Variants in PHTF2 observed in about 807,000 individuals in gnomAD.
PHTF2 encodes putative homeodomain transcription factor 2.
In PHTF2, 60 loss-of-function variants were observed where a neutral mutation model predicts 101.2. The observed-to-expected ratio is 0.59, with a 90% CI of 0.48 to 0.73. The LOEUF is 0.73. Among genes scored for constraint, PHTF2 ranks in the 30% least tolerant of loss-of-function variants. The pLI is 0.00. For synonymous variants in PHTF2, 311 were observed against 307.3 expected, an observed-to-expected ratio of 1.01 and a Z score of -0.13; for missense variants, 747 against 908.7, an observed-to-expected ratio of 0.82 and a Z score of 2.29.
chr7:77,933,242 AAAT>A (rs1261743604), intron 12 of PHTF2, among the ~76,000 whole-genome samples: 2 of 152,184 alleles, frequency 1.3e-5, no homozygotes, highest in African/African-American at 2.4e-5. Context: ...CGTCTCAAAA[AAAT>A]AATAATAATA....
chr7:77,835,167 A>C (rs975510785), intron 1 of PHTF2, among the ~76,000 whole-genome samples: 13 of 151,280 alleles, frequency 8.6e-5, no homozygotes, highest in African/African-American at 3.2e-4. Context: ...CTAGCTACTG[A>C]GGAGGCTGAG....
chr7:77,873,488 G>A (rs1204331719), intron 3 of PHTF2, among the ~76,000 whole-genome samples: 2 of 152,156 alleles, frequency 1.3e-5, no homozygotes, highest in Non-Finnish European at 1.5e-5. Context: ...TGGGACTTTA[G>A]TCTAGTTATA....
rs572421722 is a variant in PHTF2, at chr7:77,945,983, T to C, written c.1959+3197T>C. ...TTCAACTCATTTTGTGAGGCTAATA[T>C]AACCTTGATGCCAGTACCATAGAGC... On this transcript the variant is annotated intron_variant, in intron 16 of 19. Transcript: ENST00000416283. 5.9e-5 allele frequency among the ~76,000 whole-genome samples: 9 copies of C among 152,300 alleles called. No individual in the cohort carries two copies. The South Asian group carries it at 1.9e-3, about 32-fold the overall frequency.
intron 16 of PHTF2, among the ~76,000 whole-genome samples, chr7:77,945,236 G>C (rs1163236655): frequency 9.2e-5 from 14 of 152,182 alleles, no homozygotes; most frequent in Admixed American, 8.5e-4. Context: ...TGCTCGGGAG[G>C]ATGAGGCAGG....
chr7:77,927,639 C>T (rs540384426), intron 11 of PHTF2, among the ~76,000 whole-genome samples: 2 of 152,288 alleles, frequency 1.3e-5, no homozygotes, highest in African/African-American at 2.4e-5. Context: ...AGTGATCACT[C>T]TAGGTAGGTG....
At chr7:77,885,024 A>G (rs534005840) in intron 3 of PHTF2, among the ~76,000 whole-genome samples, 1 of 152,388 alleles carries the variant, frequency 6.6e-6, no homozygotes, top group East Asian at 1.9e-4. Flanking sequence ...TAATGTTTTT[A>G]GAATATCAAT....
chr7:77,801,732 C>T (rs1275164560), intron 1 of PHTF2, among the ~76,000 whole-genome samples: 1 of 152,050 alleles, frequency 6.6e-6, no homozygotes, highest in East Asian at 1.9e-4. Flanking sequence ...GACTTGAGTC[C>T]CATCTCTAAG....
At chr7:77,909,522 G>A (rs929555844) in intron 8 of PHTF2, 6 of 151,936 alleles carry the variant, frequency 3.9e-5, no homozygotes, top group African/African-American at 1.5e-4. Context: ...CACCCCACCT[G>A]ACTAGTTTTT....
intron 8 of PHTF2, chr7:77,909,927 T>A (rs1042363577): frequency 1.7e-5 from 3 of 179,948 alleles, no homozygotes; most frequent in Admixed American, 6.0e-5. Context: ...CTAAATTTTC[T>A]TCTTTCTTCA....
At chr7:77,835,783 T>C (rs1465012043) in intron 1 of PHTF2, among the ~76,000 whole-genome samples, 1 of 152,104 alleles carries the variant, frequency 6.6e-6, no homozygotes, top group Non-Finnish European at 1.5e-5. Context: ...ACTGTATAAT[T>C]ACAATAAAGT....
intron 15 of PHTF2, 56 bp downstream of exon 14, chr7:77,940,715 A>C: frequency 8.0e-7 from 1 of 1,243,732 alleles, no homozygotes; most frequent in South Asian, 1.5e-5. Context: ...TGATAGTTCC[A>C]GTTTCTTTAT....
chr7:77,810,374 C>T (rs1212036170), intron 1 of PHTF2, among the ~76,000 whole-genome samples: 1 of 152,198 alleles, frequency 6.6e-6, no homozygotes, highest in African/African-American at 2.4e-5. Context: ...CCAGTTACCA[C>T]AATACTGTAC....
intron 3 of PHTF2, among the ~76,000 whole-genome samples, chr7:77,867,875 T>G (rs760157700): frequency 2.2e-4 from 33 of 152,228 alleles, no homozygotes; most frequent in Non-Finnish European, 4.4e-4. Context: ...TACGATCTTT[T>G]GTTTTAGTAG....
chr7:77,882,022 T>A (rs1456585488), intron 3 of PHTF2, among the ~76,000 whole-genome samples: 1 of 152,214 alleles, frequency 6.6e-6, no homozygotes, highest in Non-Finnish European at 1.5e-5. Context: ...AGTGTTTTAC[T>A]ATGTCATTAA....
In PHTF2 at chr7:77,822,075, G is replaced by A. The variant is rs114530153; in HGVS notation, c.-35-18146G>A. On this transcript the variant is annotated intron_variant, in intron 1 of 19. Coordinates refer to ENST00000416283, the Ensembl canonical transcript of PHTF2. The stretch of plus-strand genomic sequence containing the variant: ...GATGTATCAGCTGCTTAGAGACGTG[G>A]GGGGCACTCTTCCACTTGGAGGGCA... Among the ~76,000 whole-genome samples, 673 of 152,292 alleles carry A rather than the reference G, an allele frequency of 4.4e-3. 3 individuals carry two copies. Among genetic ancestry groups the A allele is most frequent in the African/African-American group, 0.016 (648 of 41,538 alleles).
chr7:77,822,904 C>CT lies in PHTF2; in HGVS notation c.-35-17299dup, dbSNP rs35785317. Among the ~76,000 whole-genome samples, 518 of 118,408 alleles carry CT rather than the reference C, an allele frequency of 4.4e-3. 1 individual carries two copies. Among genetic ancestry groups the CT allele is most frequent in the Non-Finnish European group, 5.6e-3 (327 of 57,992 alleles). The allele number at this position is 118,408 out of a possible 152,430, so 77.7% of individuals were successfully genotyped here. ...CCTCTGAAATTAAAAATATTTAAAT[C>CT]TTTTTTTTTTTTTTTTTTGAGACGG... On this transcript the variant is annotated intron_variant, in intron 1 of 19. Transcript: ENST00000416283.
At chr7:77,929,161 A>G in exon 12 of PHTF2, 2 of 1,613,984 alleles carry the variant, frequency 1.2e-6, no homozygotes, top group Non-Finnish European at 1.7e-6. Flanking sequence ...AGTTCCAGAC[A>G]GGATTCTGAG....
chr7:77,926,068 A>C (rs1015641163), intron 11 of PHTF2, among the ~76,000 whole-genome samples: 51 of 152,036 alleles, frequency 3.4e-4, no homozygotes, highest in African/African-American at 1.2e-3. Context: ...AAAAAACAAA[A>C]ACAAAAACCC....
At chr7:77,828,653 A>T (rs1562850071) in intron 1 of PHTF2, among the ~76,000 whole-genome samples, 1 of 152,266 alleles carries the variant, frequency 6.6e-6, no homozygotes, top group South Asian at 2.1e-4. Flanking sequence ...AATTCAAAAT[A>T]CAAAATTTAT....
Sources: allele counts gnomAD v4.1 joint callset (sites outside exome capture counted in the v4.1 genomes callset), GRCh38; gene constraint gnomAD v4.1.1; transcripts MANE v1.5; gene names NCBI Gene and HGNC (gene_info 2026-07-23, HGNC 2026-07-21).